CABP4: variants seen among roughly 807,000 people sequenced by gnomAD.
The protein encoded by CABP4 is calcium-binding protein 4.
In CABP4, 30 loss-of-function variants were observed where a neutral mutation model predicts 30.7. That is an observed-to-expected ratio of 0.98 (90% confidence interval 0.73 to 1.33). The LOEUF (loss-of-function observed/expected upper bound fraction) is 1.33, where lower values mean the gene tolerates loss of function less well. CABP4 is among the 40% of genes most tolerant of loss of function. The probability of loss-of-function intolerance (pLI) is 0.00; values close to 1 mark genes in which losing one functional copy is unlikely to be tolerated. For missense variants in CABP4, 424 were observed against 395.5 expected (o/e 1.07, Z -0.61); for synonymous variants, 161 against 159.2 (o/e 1.01, Z -0.08).
chr11:67,458,243 G>A (rs987074724), intron 4 of CABP4, 128 bp from the exon 5 acceptor site: 12 of 765,084 alleles, frequency 1.6e-5, no homozygotes, highest in Non-Finnish European at 1.9e-5. Context: ...TGGTGACAGA[G>A]CAAGACTCCA....
rs542972940 is a variant in CABP4 at position 67,460,514 on chromosome 11, T to C, written c.*1855T>C. On this transcript the variant is annotated 3_prime_UTR_variant, in exon 6 of 6. Transcript: ENST00000325656. ...TTAAAAAAATAAAGTATATTTTATATATACACACACACACACACACACACA... is the reference window on the plus strand; with the variant it reads ...TTAAAAAAATAAAGTATATTTTATACATACACACACACACACACACACACA... Among the ~76,000 whole-genome samples, 868 of 118,722 alleles carry C rather than the reference T, an allele frequency of 7.3e-3. 7 individuals are homozygous for C. The highest frequency in any genetic ancestry group is 0.016 in the African/African-American group (349 of 22,136). The allele number at this position is 118,722 out of a possible 152,430, so 77.9% of individuals were successfully genotyped here.
upstream of CABP4, chr11:67,455,298 A>C (rs1300894224): frequency 4.5e-6 from 6 of 1,340,842 alleles, no homozygotes; most frequent in Non-Finnish European, 6.0e-6. Flanking sequence ...ACTTACCCTA[A>C]TCCCCCTCAG....
At position 67,457,808 on chromosome 11, in the gene CABP4, T is replaced by G. The variant is rs1864874477; in HGVS notation, c.651+126T>G. Reference sequence around the variant, plus strand: ...AGGCGGTGGGACTGGGGCCCAGGGATGGGTCAGAGATGGTTCAGATCACTA... The same window carrying G: ...AGGCGGTGGGACTGGGGCCCAGGGAGGGGTCAGAGATGGTTCAGATCACTA... On this transcript the variant is annotated intron_variant, in intron 4 of 5. Coordinates refer to ENST00000325656, the MANE Select transcript of CABP4 (RefSeq NM_145200.5). 5.7e-5 allele frequency: 43 copies of G among 756,920 alleles called. No homozygotes were observed. The South Asian group carries it at 7.3e-4, about 13-fold the overall frequency. 46.9% of individuals were successfully genotyped at this position (756,920 alleles called of 1,614,324 possible).
upstream of CABP4, among the ~76,000 whole-genome samples, chr11:67,454,133 C>G (rs776437841): frequency 6.6e-6 from 1 of 152,260 alleles, no homozygotes; most frequent in South Asian, 2.1e-4. Context: ...GGGAGGGGCT[C>G]TGCAGTGGGA....
upstream of CABP4, chr11:67,455,198 T>A (rs1431097018): frequency 4.3e-6 from 2 of 468,856 alleles, no homozygotes; most frequent in African/African-American, 2.0e-5. Flanking sequence ...CCCTTGCTTC[T>A]GACCAAGGAC....
chr11:67,458,358 G>C lies in CABP4; in HGVS notation c.652-13G>C, dbSNP rs1254256436. 6.2e-7 allele frequency: 1 copy of C among 1,600,240 alleles called. No individual in the cohort carries two copies. The highest frequency in any genetic ancestry group is 2.2e-5 in the East Asian group (1 of 44,584). ...CTTTGGGTGGGAGGGGCTGAGCTTT[G>C]CGGGGACCTTAGTTTGACAGGGACA... On this transcript the variant is annotated splice_polypyrimidine_tract_variant and intron_variant, in intron 4 of 5. Coordinates refer to ENST00000325656, the MANE Select transcript of CABP4 (RefSeq NM_145200.5).
In CABP4 at chr11:67,455,611, G is replaced by T. The variant is rs1353116607; in HGVS notation, c.188G>T (p.Gly63Val). The change falls in exon 1 of 6, where the codon GGC (glycine) becomes GTC (valine). Residue 63 changes from glycine to valine, a missense_variant. Transcript: ENST00000325656. Reference sequence around the variant, plus strand: ...ACTGGCAGCTCTGGGGAGCAGACAGGCCCCGAGGCCCCGGGGAGCAGCAAT... The same window carrying T: ...ACTGGCAGCTCTGGGGAGCAGACAGTCCCCGAGGCCCCGGGGAGCAGCAAT... ...KRTGSSGEQT[G>V]PEAPGSSNNP... is the part of the protein sequence containing the mutation. 6.2e-7 allele frequency: 1 copy of T among 1,606,828 alleles called. No homozygotes were observed. The highest frequency in any genetic ancestry group is 2.2e-5 in the East Asian group (1 of 44,654).
intron 4 of CABP4, 68 bp downstream of exon 4, chr11:67,457,750 A>G: frequency 7.5e-7 from 1 of 1,333,384 alleles, no homozygotes; most frequent in Non-Finnish European, 1.0e-6. Context: ...CCTCTCACTC[A>G]GGTCTCAGCC....
In CABP4 at chr11:67,460,518, C is replaced by CAT. The variant is rs1324275484; in HGVS notation, c.*1860_*1861insTA. Among the ~76,000 whole-genome samples, 1 of 117,866 alleles carries CAT rather than the reference C, an allele frequency of 8.5e-6. No homozygotes were observed. The highest frequency in any genetic ancestry group is 1.5e-5 in the Non-Finnish European group (1 of 64,990). The allele number at this position is 117,866 out of a possible 152,430, so 77.3% of individuals were successfully genotyped here. ...AAAAATAAAGTATATTTTATATATA[C>CAT]ACACACACACACACACACACACACA... is the stretch of plus-strand genomic sequence containing the variant. On this transcript the variant is annotated 3_prime_UTR_variant, in exon 6 of 6. Coordinates refer to ENST00000325656, the MANE Select transcript of CABP4 (RefSeq NM_145200.5).
intron 4 of CABP4, 33 bp downstream of exon 4, chr11:67,457,715 C>T (rs1016513036): frequency 6.6e-7 from 1 of 1,520,492 alleles, no homozygotes. Context: ...CAGAGGGGGG[C>T]AGGGCTGGGT....
chr11:67,458,095 T>C (rs1414877237), intron 4 of CABP4, among the ~76,000 whole-genome samples: 1 of 151,948 alleles, frequency 6.6e-6, no homozygotes. Flanking sequence ...CCCATCTCTA[T>C]TAAAAATACA....
intron 1 of CABP4, 187 bp from the exon 2 acceptor site, chr11:67,455,999 CTG>C: frequency 8.2e-7 from 1 of 1,217,926 alleles, no homozygotes; most frequent in Non-Finnish European, 1.1e-6. Flanking sequence ...CACCAGGGCT[CTG>C]TGGGAGCTCC....
chr11:67,454,824 C>A (rs994708083), upstream of CABP4, among the ~76,000 whole-genome samples: 2 of 152,216 alleles, frequency 1.3e-5, no homozygotes, highest in Non-Finnish European at 2.9e-5. Flanking sequence ...CATCACCCCC[C>A]GTGCTCCTCA....
Position 67,456,381 on chromosome 11 carries a change from C to G in CABP4, c.480C>G (p.Thr160=). Reference sequence around the variant, plus strand: ...GGGAGCTGGGTGACTGCATGCGGACCCTGGGCTACATGCCCACCGAGATGG... The same window carrying G: ...GGGAGCTGGGTGACTGCATGCGGACGCTGGGCTACATGCCCACCGAGATGG... ...SHRELGDCMR[T]LGYMPTEMEL... The change falls in exon 3 of 6, where the codon ACC becomes ACG. Residue 160 remains threonine (T), a synonymous_variant. Coordinates refer to ENST00000325656, the MANE Select transcript of CABP4 (RefSeq NM_145200.5). 1 of 1,606,758 alleles carries G rather than the reference C, an allele frequency of 6.2e-7. No homozygotes were observed. The highest frequency in any genetic ancestry group is 8.5e-7 in the Non-Finnish European group (1 of 1,177,296).
upstream of CABP4, chr11:67,452,899 G>C: frequency 1.7e-6 from 1 of 594,960 alleles, no homozygotes; most frequent in Non-Finnish European, 3.0e-6. Flanking sequence ...ACTTGAAGTG[G>C]ATGACCTCAT....
intron 3 of CABP4, among the ~76,000 whole-genome samples, 200 bp downstream of exon 3, chr11:67,456,642 G>C (rs1864818046): frequency 6.6e-6 from 1 of 152,216 alleles, no homozygotes; most frequent in South Asian, 2.1e-4. Context: ...CGGAGACCCA[G>C]GAGAGCCCCT....
At chr11:67,457,942 T>C (rs1864879353) in intron 4 of CABP4, among the ~76,000 whole-genome samples, 1 of 151,984 alleles carries the variant, frequency 6.6e-6, no homozygotes, top group Non-Finnish European at 1.5e-5. Flanking sequence ...CAGGGGAGCA[T>C]CTAGGTACAG....
Position 67,455,657 on chromosome 11 carries a change from G to A in CABP4, c.234G>A (p.Glu78=). 1.2e-6 allele frequency: 2 copies of A among 1,609,470 alleles called. No homozygotes were observed. The highest frequency in any genetic ancestry group is 1.7e-6 in the Non-Finnish European group (2 of 1,179,100). ...GSSNNPPSTG[E]GPAGAPPASP... The stretch of plus-strand genomic sequence containing the variant: ...GCAATAACCCTCCCAGCACTGGAGA[G>A]GGGCCGGCGGGCGCACCCCCTGCAT... The change falls in exon 1 of 6, where the codon GAG becomes GAA. Residue 78 remains glutamate (E), a synonymous_variant. Transcript: ENST00000325656.
chr11:67,458,839 C>CCTAA lies in CABP4; in HGVS notation c.*182_*183insAACT. 2 of 715,594 alleles carry CCTAA rather than the reference C, an allele frequency of 2.8e-6. No homozygotes were observed. The highest frequency in any genetic ancestry group is 3.2e-5 in the South Asian group (2 of 62,614). 44.3% of individuals were successfully genotyped at this position (715,594 alleles called of 1,614,324 possible). A position where few individuals can be genotyped will look rare whatever the true frequency, so the allele number is the denominator to read the frequency against. On this transcript the variant is annotated 3_prime_UTR_variant, in exon 6 of 6. Transcript: ENST00000325656. ...TGTTATGTTACCTGCCCACCCTCAT[C>CCTAA]CTTACCTCCTCCTACTCAAGCTGCC...
Sources: gnomAD v4.1 joint callset for allele counts (sites outside exome capture counted in the v4.1 genomes callset) on GRCh38, gnomAD v4.1.1 for gene constraint, MANE v1.5 for transcripts, NCBI Gene and HGNC (gene_info 2026-07-23, HGNC 2026-07-21) for gene names.